Variants in UBE2V2 observed in about 807,000 individuals in gnomAD.
The protein encoded by UBE2V2 is ubiquitin conjugating enzyme E2 V2.
In UBE2V2, 9 loss-of-function variants were observed where a neutral mutation model predicts 17.2. That is an observed-to-expected ratio of 0.52 (90% CI 0.32 to 0.91). The LOEUF (loss-of-function observed/expected upper bound fraction) is 0.91, where lower values mean the gene tolerates loss of function less well. Among genes scored for constraint, UBE2V2 ranks in the 40% least tolerant of loss-of-function variants. The pLI is 0.04. For synonymous variants in UBE2V2, 61 were observed against 57.5 expected (o/e 1.06, Z -0.28); for missense variants, 133 against 182.6 (o/e 0.73, Z 1.56).
intron 3 of UBE2V2, among the ~76,000 whole-genome samples, chr8:48,058,697 T>A (rs2091589213): frequency 6.6e-6 from 1 of 152,118 alleles, no homozygotes. Context: ...AAGTTTTTTG[T>A]AGATTCCTGT....
At chr8:48,025,340 T>A (rs1375698793) in intron 1 of UBE2V2, among the ~76,000 whole-genome samples, 1 of 151,740 alleles carries the variant, frequency 6.6e-6, no homozygotes, top group Admixed American at 6.6e-5. Flanking sequence ...CGATCTCGGC[T>A]CACTGCAACT....
the UBE2V2 span, among the ~76,000 whole-genome samples, chr8:47,999,654 C>G: frequency 6.6e-6 from 1 of 152,152 alleles, no homozygotes; most frequent in African/African-American, 2.4e-5. Context: ...GCCACTGCGC[C>G]CAGCCCAGAC....
intron 1 of UBE2V2, among the ~76,000 whole-genome samples, chr8:48,026,812 TTCA>T (rs1378902380): frequency 1.3e-5 from 2 of 152,210 alleles, no homozygotes; most frequent in Non-Finnish European, 2.9e-5. Flanking sequence ...TGTTTATTCA[TTCA>T]TCATGTTGGT....
intron 2 of UBE2V2, among the ~76,000 whole-genome samples, chr8:48,044,949 G>A (rs139150569): frequency 3.3e-5 from 5 of 152,286 alleles, no homozygotes; most frequent in Non-Finnish European, 5.9e-5. Flanking sequence ...CCTAGCTGTC[G>A]TGGACCGGTT....
chr8:48,031,007 C>A (rs775318518), intron 1 of UBE2V2, among the ~76,000 whole-genome samples: 2 of 151,896 alleles, frequency 1.3e-5, no homozygotes, highest in African/African-American at 4.8e-5. Context: ...GGCTCTGGGC[C>A]ACAGAGCGAG....
intron 2 of UBE2V2, among the ~76,000 whole-genome samples, chr8:48,044,393 C>T (rs920802393): frequency 1.3e-5 from 2 of 152,214 alleles, no homozygotes; most frequent in African/African-American, 4.8e-5. Flanking sequence ...AAGTGATCCA[C>T]CTGCCTTGGC....
intron 1 of UBE2V2, among the ~76,000 whole-genome samples, chr8:48,015,603 TA>T (rs1297102355): frequency 6.6e-6 from 1 of 152,166 alleles, no homozygotes; most frequent in East Asian, 1.9e-4. Context: ...CTCCTGACTG[TA>T]ATTACGTATC....
intron 1 of UBE2V2, among the ~76,000 whole-genome samples, chr8:48,037,846 A>T (rs2091434850): frequency 6.6e-6 from 1 of 152,192 alleles, no homozygotes; most frequent in Non-Finnish European, 1.5e-5. Flanking sequence ...TTGGTCTTTT[A>T]TAACAGCTGA....
intron 1 of UBE2V2, among the ~76,000 whole-genome samples, chr8:48,016,597 C>T (rs549399734): frequency 3.3e-5 from 5 of 151,918 alleles, no homozygotes; most frequent in East Asian, 3.9e-4. Flanking sequence ...ATTCTCCTGC[C>T]TCAGCCTCCC....
chr8:48,023,848 C>G (rs1256931365), intron 1 of UBE2V2, among the ~76,000 whole-genome samples: 1 of 152,054 alleles, frequency 6.6e-6, no homozygotes, highest in Non-Finnish European at 1.5e-5. Context: ...TGTACTCCAG[C>G]TTGGGTGGCA....
chr8:48,037,300 A>G (rs918923145), intron 1 of UBE2V2, among the ~76,000 whole-genome samples: 2 of 152,258 alleles, frequency 1.3e-5, no homozygotes, highest in Non-Finnish European at 2.9e-5. Context: ...AATGTGTTTC[A>G]GCAGGGATTC....
intron 3 of UBE2V2, among the ~76,000 whole-genome samples, chr8:48,053,550 A>G (rs770185896): frequency 3.3e-5 from 5 of 151,540 alleles, no homozygotes; most frequent in African/African-American, 1.2e-4. Context: ...CAGCCTCCCA[A>G]GTAGCTGGGA....
chr8:48,053,828 A>ATTTTTTTT (rs1208535285), intron 3 of UBE2V2, among the ~76,000 whole-genome samples: 1 of 127,092 alleles, frequency 7.9e-6, no homozygotes, highest in Non-Finnish European at 1.7e-5. Context: ...TTTTGAGATG[A>ATTTTTTTT]GGTTTTGCTC....
chr8:48,025,304 G>A (rs2091334102), intron 1 of UBE2V2, among the ~76,000 whole-genome samples: 2 of 149,100 alleles, frequency 1.3e-5, no homozygotes, highest in Admixed American at 6.8e-5. Flanking sequence ...GTCTCACTCT[G>A]TCATCCAGGC....
chr8:48,019,060 A>T (rs187158635), intron 1 of UBE2V2, among the ~76,000 whole-genome samples: 82 of 152,048 alleles, frequency 5.4e-4, no homozygotes, highest in African/African-American at 1.8e-3. Flanking sequence ...GCGAAATCCC[A>T]TCTCTATTAA....
At chr8:48,032,670 C>G (rs2091391864) in intron 1 of UBE2V2, among the ~76,000 whole-genome samples, 1 of 152,104 alleles carries the variant, frequency 6.6e-6, no homozygotes, top group Non-Finnish European at 1.5e-5. Context: ...GTGGAAGGAT[C>G]TCTTGAGCCT....
At chr8:48,029,085 T>G (rs1430011624) in intron 1 of UBE2V2, among the ~76,000 whole-genome samples, 1 of 152,046 alleles carries the variant, frequency 6.6e-6, no homozygotes, top group Non-Finnish European at 1.5e-5. Context: ...CCAGGTGCAG[T>G]AGGAGGCCAA....
At chr8:48,009,663 C>A (rs974613758) in intron 1 of UBE2V2, among the ~76,000 whole-genome samples, 1 of 152,160 alleles carries the variant, frequency 6.6e-6, no homozygotes, top group South Asian at 2.1e-4. Flanking sequence ...ATTTTCAAAT[C>A]TATATGTACT....
chr8:48,010,238 ATTT>A (rs750999592), intron 1 of UBE2V2, among the ~76,000 whole-genome samples: 3 of 139,394 alleles, frequency 2.2e-5, no homozygotes, highest in Admixed American at 7.3e-5. Flanking sequence ...GGGAGTCTGT[ATTT>A]TTTTTTTTTT....
Sources: gnomAD v4.1 joint callset for allele counts (sites outside exome capture counted in the v4.1 genomes callset) on GRCh38, gnomAD v4.1.1 for gene constraint, MANE v1.5 for transcripts, NCBI Gene and HGNC (gene_info 2026-07-23, HGNC 2026-07-21) for gene names.